The following INPP4B variants were observed in gnomAD, a reference collection of about 807,000 sequenced individuals.
The protein encoded by INPP4B is inositol polyphosphate 4-phosphatase type II.
A neutral mutation model predicts 122.5 loss-of-function variants in INPP4B; 55 were observed. The ratio of observed to expected loss-of-function variants is 0.45; its 90% CI spans 0.36 to 0.56. The LOEUF is 0.56. INPP4B is among the 20% of genes least tolerant of loss of function. The pLI is 0.00. For synonymous variants in INPP4B, 403 were observed against 388.7 expected, an observed-to-expected ratio of 1.04 and a Z score of -0.43; for missense variants, 1,000 against 1,097.7, an observed-to-expected ratio of 0.91 and a Z score of 1.26.
chr4:142,342,498 T>A (rs989073710), intron 7 of INPP4B, among the ~76,000 whole-genome samples: 4 of 152,112 alleles, frequency 2.6e-5, no homozygotes, highest in African/African-American at 9.7e-5. Context: ...TCTCAACTCT[T>A]AGGTATTCAG....
At chr4:142,359,995 A>T (rs1579841828) in intron 7 of INPP4B, among the ~76,000 whole-genome samples, 1 of 152,146 alleles carries the variant, frequency 6.6e-6, no homozygotes, top group Middle Eastern at 3.4e-3. Context: ...AGAACTTCAA[A>T]GCTTTAAAAA....
At chr4:142,817,828 CT>C (rs1780301512) in intron 1 of INPP4B, among the ~76,000 whole-genome samples, 1 of 152,224 alleles carries the variant, frequency 6.6e-6, no homozygotes, top group African/African-American at 2.4e-5. Context: ...ACATCTAAAC[CT>C]ACTTTATAAC....
intron 1 of INPP4B, among the ~76,000 whole-genome samples, chr4:142,793,335 A>G (rs555931285): frequency 6.5e-5 from 9 of 137,448 alleles, no homozygotes; most frequent in African/African-American, 2.6e-4. Flanking sequence ...CTAGCATCCA[A>G]TCCACTGTAT....
intron 1 of INPP4B, among the ~76,000 whole-genome samples, chr4:142,810,807 T>C (rs1330038266): frequency 6.6e-6 from 1 of 152,220 alleles, no homozygotes; most frequent in Non-Finnish European, 1.5e-5. Flanking sequence ...CCGAATCTTG[T>C]TGGTATTTTA....
At chr4:142,585,430 T>C (rs1735952838) in intron 2 of INPP4B, among the ~76,000 whole-genome samples, 1 of 152,132 alleles carries the variant, frequency 6.6e-6, no homozygotes, top group Admixed American at 6.6e-5. Flanking sequence ...TGATGTTCTC[T>C]TGGCTTAACA....
chr4:142,279,476 C>T (rs977226952), intron 9 of INPP4B, among the ~76,000 whole-genome samples: 2 of 151,288 alleles, frequency 1.3e-5, no homozygotes, highest in Non-Finnish European at 3.0e-5. Context: ...GACAAAGTTA[C>T]AGGCAATGGA....
intron 2 of INPP4B, among the ~76,000 whole-genome samples, chr4:142,712,610 A>G (rs1763252977): frequency 1.3e-5 from 2 of 152,226 alleles, no homozygotes; most frequent in African/African-American, 4.8e-5. Context: ...TTGATAAATT[A>G]TTGTCTCATG....
chr4:142,097,210 GTTTAT>G (rs1288382375), intron 23 of INPP4B, among the ~76,000 whole-genome samples: 3,216 of 33,182 alleles, frequency 0.097, 52 homozygotes, highest in Admixed American at 0.19. Context: ...TCCATTTTTT[GTTTAT>G]TTTATGTTAT....
At chr4:142,432,829 G>A (rs923801080) in intron 3 of INPP4B, among the ~76,000 whole-genome samples, 1 of 152,092 alleles carries the variant, frequency 6.6e-6, no homozygotes, top group Admixed American at 6.6e-5. Flanking sequence ...AAAGGAGGCA[G>A]TATGATGAAT....
At chr4:142,264,322 A>G (rs1463772089) in intron 10 of INPP4B, among the ~76,000 whole-genome samples, 1 of 152,206 alleles carries the variant, frequency 6.6e-6, no homozygotes, top group Non-Finnish European at 1.5e-5. Context: ...TGCAGTCAAC[A>G]GGATTTGCTG....
chr4:142,135,738 T>C (rs336409), intron 18 of INPP4B, among the ~76,000 whole-genome samples: 151,258 of 152,292 alleles, frequency 0.99, 75,123 homozygotes, highest in East Asian at 1. Context: ...TCCTTTTTCC[T>C]TCAGTGGTGT....
intron 2 of INPP4B, among the ~76,000 whole-genome samples, chr4:142,570,713 T>TTA (rs956101800): frequency 2.5e-4 from 38 of 151,938 alleles, no homozygotes; most frequent in Admixed American, 5.9e-4. Flanking sequence ...CAAAATGCTT[T>TTA]TACAGACCTC....
At chr4:142,358,276 G>T (rs531845864) in intron 7 of INPP4B, among the ~76,000 whole-genome samples, 1 of 151,892 alleles carries the variant, frequency 6.6e-6, no homozygotes, top group East Asian at 1.9e-4. Flanking sequence ...CTTTATTCTA[G>T]AGGTATGCAT....
At chr4:142,167,191 A>G (rs573224704) in intron 16 of INPP4B, among the ~76,000 whole-genome samples, 2 of 150,846 alleles carry the variant, frequency 1.3e-5, no homozygotes, top group South Asian at 4.2e-4. Context: ...GTACATACAC[A>G]CCATGGAATA....
At chr4:142,112,752 A>G in intron 21 of INPP4B, 70 bp from the exon 22 acceptor site, 1 of 1,466,412 alleles carries the variant, frequency 6.8e-7, no homozygotes, top group Admixed American at 2.2e-5. Flanking sequence ...ATTTATTGGA[A>G]GAAAACATTA....
chr4:142,373,547 G>C (rs1228828466), intron 7 of INPP4B, among the ~76,000 whole-genome samples: 3 of 151,882 alleles, frequency 2.0e-5, no homozygotes, highest in Non-Finnish European at 4.4e-5. Context: ...CTTTGGGAAA[G>C]CTGCTTCACC....
At chr4:142,291,655 C>T (rs1756524348) in intron 9 of INPP4B, among the ~76,000 whole-genome samples, 6 of 152,150 alleles carry the variant, frequency 3.9e-5, no homozygotes, top group Admixed American at 3.9e-4. Context: ...AGGAAGCCCT[C>T]TTTGTCACTT....
At chr4:142,424,591 C>T (rs1171649538) in intron 5 of INPP4B, among the ~76,000 whole-genome samples, 1 of 152,026 alleles carries the variant, frequency 6.6e-6, no homozygotes, top group Non-Finnish European at 1.5e-5. Context: ...TTAAAACTTT[C>T]ATATTCTTTT....
intron 2 of INPP4B, among the ~76,000 whole-genome samples, chr4:142,562,801 G>A (rs76810283): frequency 0.054 from 8,267 of 152,072 alleles, 273 homozygotes; most frequent in South Asian, 0.068. Flanking sequence ...TAATTTCCAC[G>A]CCATTCTCTC....
Sources: gnomAD v4.1 joint callset for allele counts (sites outside exome capture counted in the v4.1 genomes callset) on GRCh38, gnomAD v4.1.1 for gene constraint, MANE v1.5 for transcripts, NCBI Gene and HGNC (gene_info 2026-07-23, HGNC 2026-07-21) for gene names.